The following WSB2 variants were observed in gnomAD, a reference collection of about 807,000 sequenced individuals.
WSB2 encodes the protein WD repeat and SOCS box-containing protein 2.
WSB2 carries 12 observed loss-of-function variants against 48.8 expected under a neutral mutation model. The observed-to-expected ratio is 0.25, with a 90% CI of 0.16 to 0.40. WSB2 has a LOEUF of 0.40. Among genes scored for constraint, WSB2 ranks in the 10% least tolerant of loss-of-function variants. The probability of loss-of-function intolerance (pLI) is 1.00; values close to 1 mark genes in which losing one functional copy is unlikely to be tolerated. For synonymous variants in WSB2, 191 were observed against 203.1 expected (o/e 0.94, Z 0.51); for missense variants, 317 against 506.2 (o/e 0.63, Z 3.59).
chr12:118,045,558 C>T (rs1191185540), intron 2 of WSB2, among the ~76,000 whole-genome samples: 1 of 151,452 alleles, frequency 6.6e-6, no homozygotes, highest in Non-Finnish European at 1.5e-5. Flanking sequence ...ATTAGCTGGA[C>T]GTGGTGGCAG....
intron 5 of WSB2, 89 bp from the exon 6 acceptor site, chr12:118,036,599 GCAGGCCCTGCAGC>G (rs759835037): frequency 2.1e-5 from 29 of 1,353,482 alleles, no homozygotes; most frequent in South Asian, 2.8e-5. Flanking sequence ...CACCAAATCT[GCAGGCCCTGCAGC>G]CAGGGCTGAT....
At chr12:118,049,422 G>A (rs563609696) in intron 2 of WSB2, among the ~76,000 whole-genome samples, 1 of 149,772 alleles carries the variant, frequency 6.7e-6, no homozygotes, top group Admixed American at 6.6e-5. Flanking sequence ...TTTTTTTTGA[G>A]ATGGAATCTC....
In WSB2 at chr12:118,052,465, C is replaced by T; in HGVS notation, c.27G>A (p.Leu9=). Residue 9 remains leucine (L), a synonymous_variant, in exon 2 of 9, where the codon CTG becomes CTA. Transcript: ENST00000315436. ...GGCGCCCGGGCTTGAGTTCGGCCAG[C>T]AGCAGCGGTTCCTCTGGGGCAGGAG... MEAGEEPL[L]LAELKPGRPH... 1.2e-6 allele frequency: 2 copies of T among 1,614,094 alleles called. No homozygotes were observed. Among genetic ancestry groups the T allele is most frequent in the South Asian group, 2.2e-5 (2 of 91,074 alleles).
upstream of WSB2, among the ~76,000 whole-genome samples, chr12:118,061,692 C>T (rs118101112): frequency 7.3e-6 from 1 of 136,316 alleles, no homozygotes; most frequent in East Asian, 2.2e-4. Context: ...TAAGGGGAAC[C>T]AAAGGGGCTG....
intron 1 of WSB2, among the ~76,000 whole-genome samples, chr12:118,055,956 C>T (rs2031950874): frequency 6.6e-6 from 1 of 151,228 alleles, no homozygotes; most frequent in African/African-American, 2.4e-5. Flanking sequence ...TTAGCAAGTT[C>T]TATCAAGTCT....
rs150072011 is a variant in WSB2 at position 118,041,748 on chromosome 12, C to CTTT, written c.559+1090_559+1092dup. On this transcript the variant is annotated intron_variant, in intron 4 of 8. Transcript: ENST00000315436. ...CAATAAATTCCCCTCTCTTATGTCACTTTTTTTTTTTTTTTTTTTTTTTTG... is the reference window on the plus strand; with the variant it reads ...CAATAAATTCCCCTCTCTTATGTCACTTTTTTTTTTTTTTTTTTTTTTTTTTTG... Among the ~76,000 whole-genome samples, 185 of 101,520 alleles carry CTTT rather than the reference C, an allele frequency of 1.8e-3. 4 individuals carry two copies. The highest frequency in any genetic ancestry group is 8.4e-3 in the East Asian group (30 of 3,564). 66.6% of individuals were successfully genotyped at this position (101,520 alleles called of 152,430 possible).
chr12:118,040,272 G>A (rs988700540), intron 4 of WSB2, among the ~76,000 whole-genome samples: 2 of 152,122 alleles, frequency 1.3e-5, no homozygotes, highest in Non-Finnish European at 2.9e-5. Flanking sequence ...GGCAGCGCCT[G>A]TCAGCTGGGA....
intron 1 of WSB2, chr12:118,052,733 G>C: frequency 1.9e-6 from 1 of 536,518 alleles, no homozygotes; most frequent in South Asian, 2.6e-5. Context: ...GTGAATGGAG[G>C]CCTCATTTTC....
At chr12:118,036,589 C>T (rs529940443) in intron 5 of WSB2, 79 bp from the exon 6 acceptor site, 12 of 1,449,346 alleles carry the variant, frequency 8.3e-6, no homozygotes, top group Non-Finnish European at 1.1e-5. Flanking sequence ...AAGGTACCAC[C>T]ACCAAATCTG....
At position 118,036,403 on chromosome 12, in the gene WSB2, C is replaced by A. The variant is rs748861369; in HGVS notation, c.768G>T (p.Thr256=). ...DFSPDSALLV[T]ASYDTNVIMW... ...TAATCACATTGGTATCGTAAGAAGC[C>A]GTGACAAGCAGGGCAGAGTCGGGGG... Residue 256 remains threonine (T), a synonymous_variant, in exon 6 of 9, where the codon ACG becomes ACT. Coordinates refer to ENST00000315436, the MANE Select transcript of WSB2 (RefSeq NM_018639.5). 2 of 1,614,132 alleles carry A rather than the reference C, an allele frequency of 1.2e-6. No individual in the cohort carries two copies. Among genetic ancestry groups the A allele is most frequent in the East Asian group, 2.2e-5 (1 of 44,888 alleles).
intron 4 of WSB2, among the ~76,000 whole-genome samples, chr12:118,040,786 GC>G (rs1566137561): frequency 6.6e-6 from 1 of 151,790 alleles, no homozygotes; most frequent in East Asian, 1.9e-4. Flanking sequence ...AGTGGCTCAC[GC>G]CTGTAATCCC....
upstream of WSB2, chr12:118,061,289 G>T: frequency 1.3e-6 from 1 of 759,470 alleles, no homozygotes; most frequent in Non-Finnish European, 1.6e-6. Context: ...TGAGGGAAAA[G>T]ATGGAAAATC....
intron 4 of WSB2, 73 bp from the exon 5 acceptor site, chr12:118,038,461 G>T: frequency 7.0e-7 from 1 of 1,431,150 alleles, no homozygotes; most frequent in African/African-American, 1.4e-5. Context: ...GGAGAACTGG[G>T]GTGGTAACAG....
intron 1 of WSB2, among the ~76,000 whole-genome samples, chr12:118,055,155 A>T (rs2031932321): frequency 6.6e-6 from 1 of 152,206 alleles, no homozygotes; most frequent in African/African-American, 2.4e-5. Context: ...ATACAATCAC[A>T]TGTGTATAGC....
rs753578352 is a variant in WSB2, at chr12:118,052,324, C to A, written c.168G>T (p.Pro56=). ...AGAATACTTACAACTGCTCCTCCAACGGCCAGGGGATCAGTTTGACGATGC... is the reference window on the plus strand; with the variant it reads ...AGAATACTTACAACTGCTCCTCCAAAGGCCAGGGGATCAGTTTGACGATGC... The part of the protein sequence containing the change: ...GHCIVKLIPW[P]LEEQFIPKGF... Residue 56 remains proline, a synonymous_variant, in exon 2 of 9, where the codon CCG becomes CCT. Coordinates refer to ENST00000315436, the MANE Select transcript of WSB2 (RefSeq NM_018639.5). 14 of 1,613,888 alleles carry A rather than the reference C, an allele frequency of 8.7e-6. No individual in the cohort carries two copies. Among genetic ancestry groups the A allele is most frequent in the Admixed American group, 1.7e-5 (1 of 59,998 alleles).
At position 118,034,082 on chromosome 12, in the gene WSB2, A is replaced by G. The variant is rs555881905; in HGVS notation, c.*114T>C. Reference sequence around the variant, plus strand: ...CTGGTTTTGCTACATTCTATTCACAATCCCAAAGAAATGCTATTTCAATGC... The same window carrying G: ...CTGGTTTTGCTACATTCTATTCACAGTCCCAAAGAAATGCTATTTCAATGC... On this transcript the variant is annotated 3_prime_UTR_variant, in exon 9 of 9. Coordinates refer to ENST00000315436, the MANE Select transcript of WSB2 (RefSeq NM_018639.5). 87 of 1,409,456 alleles carry G rather than the reference A, an allele frequency of 6.2e-5. No homozygotes were observed. Among genetic ancestry groups the G allele is most frequent in the Middle Eastern group, 2.5e-4 (1 of 3,954 alleles). The allele number at this position is 1,409,456 out of a possible 1,614,324, so 87.3% of individuals were successfully genotyped here.
chr12:118,043,555 T>C (rs1259722534), intron 2 of WSB2, among the ~76,000 whole-genome samples, 178 bp from the exon 3 acceptor site: 2 of 152,184 alleles, frequency 1.3e-5, no homozygotes, highest in African/African-American at 4.8e-5. Flanking sequence ...CTGATCCTCC[T>C]GCCTCAGATC....
At chr12:118,052,275 T>C (rs1320801080) in intron 2 of WSB2, 35 bp downstream of exon 2, 2 of 1,603,004 alleles carry the variant, frequency 1.2e-6, no homozygotes, top group Non-Finnish European at 1.7e-6. Flanking sequence ...TGTTTGGAAA[T>C]GCGCCGGATG....
At position 118,038,337 on chromosome 12, in the gene WSB2, G is replaced by C. The variant is rs2031558500; in HGVS notation, c.611C>G (p.Ser204Cys). Residue 204 changes from serine to cysteine, a missense_variant, in exon 5 of 9, where the codon TCC (serine) becomes TGC (cysteine). This residue lies in a region of WSB2 where 189 missense variants were observed against 349.6 expected (regional missense o/e 0.54). Coordinates refer to ENST00000315436, the MANE Select transcript of WSB2 (RefSeq NM_018639.5). The part of the protein sequence containing the change: ...SGHLQWVYCC[S>C]ISPDCSMLCS... Reference sequence around the variant, plus strand: ...CAGCATGCTGCAGTCTGGGGAGATGGAACAGCAGTAAACCCACTGCAGGTG... The same window carrying C: ...CAGCATGCTGCAGTCTGGGGAGATGCAACAGCAGTAAACCCACTGCAGGTG... The C allele has an allele frequency of 1.9e-6, 3 of 1,614,132 alleles. No individual in the cohort carries two copies. In the East Asian group the frequency reaches 6.7e-5, roughly 36 times the overall value.
Sources: gnomAD v4.1 joint callset for allele counts (sites outside exome capture counted in the v4.1 genomes callset) on GRCh38, gnomAD v4.1.1 for gene constraint, gnomAD v4.1.1 regional missense constraint, MANE v1.5 for transcripts, NCBI Gene and HGNC (gene_info 2026-07-23, HGNC 2026-07-21) for gene names.